The following CHRNB4 variants were observed in gnomAD, a reference collection of about 807,000 sequenced individuals.
CHRNB4 encodes the protein cholinergic receptor nicotinic beta 4 subunit.
In CHRNB4, 23 loss-of-function variants were observed where a neutral mutation model predicts 40.4. That is an observed-to-expected ratio of 0.57 (90% CI 0.41 to 0.81). The LOEUF (loss-of-function observed/expected upper bound fraction) is 0.81, where lower values mean the gene tolerates loss of function less well. Ranked by LOEUF, CHRNB4 falls within the 30% of genes least tolerant of loss-of-function variation. CHRNB4 has a pLI of 0.00. For synonymous variants in CHRNB4, 285 were observed against 274.4 expected (o/e 1.04, Z -0.38); for missense variants, 568 against 670.6 (o/e 0.85, Z 1.69).
chr15:78,628,467 T>C (rs942100940), intron 5 of CHRNB4, among the ~76,000 whole-genome samples: 1 of 152,188 alleles, frequency 6.6e-6, no homozygotes, highest in Non-Finnish European at 1.5e-5. Context: ...CAGGCTGGCA[T>C]TACCTGGAAG....
chr15:78,627,426 T>C (rs1372954086), intron 5 of CHRNB4: 1 of 152,174 alleles, frequency 6.6e-6, no homozygotes, highest in Non-Finnish European at 1.5e-5. Flanking sequence ...ATGTCCTATA[T>C]TCCATTTGTT....
intron 1 of CHRNB4, among the ~76,000 whole-genome samples, chr15:78,637,738 T>C (rs1279426808): frequency 6.6e-6 from 1 of 152,190 alleles, no homozygotes; most frequent in Non-Finnish European, 1.5e-5. Context: ...TCATCCACTT[T>C]CCAACTCGCT....
intron 2 of CHRNB4, 24 bp downstream of exon 2, chr15:78,635,415 G>C: frequency 6.2e-7 from 1 of 1,610,582 alleles, no homozygotes; most frequent in South Asian, 1.1e-5. Context: ...CTGAGCCTGA[G>C]CCACAGCTGC....
rs371157257 is a variant in CHRNB4, at chr15:78,647,662, T to A, written c.46+1717A>T. Among the ~76,000 whole-genome samples, 549 of 130,478 alleles carry A rather than the reference T, an allele frequency of 4.2e-3. 4 individuals are homozygous for A. Among genetic ancestry groups the A allele is most frequent in the Non-Finnish European group, 6.7e-3 (414 of 62,238 alleles). The allele number at this position is 130,478 out of a possible 152,430, so 85.6% of individuals were successfully genotyped here. A position where few individuals can be genotyped will look rare whatever the true frequency, so the allele number is the denominator to read the frequency against. On this transcript the variant is annotated intron_variant and NMD_transcript_variant, in intron 7 of 11. Transcript: ENST00000559849. ...GAGATCGAGACCATCCTGGCTAACA[T>A]GGTGAAACCCCGTCTCTACTAAAAA...
chr15:78,635,528 G>C lies in CHRNB4; in HGVS notation c.115C>G (p.Arg39Gly). 2.5e-6 allele frequency: 4 copies of C among 1,614,152 alleles called. No homozygotes were observed. The highest frequency in any genetic ancestry group is 3.4e-6 in the Non-Finnish European group (4 of 1,180,030). The change falls in exon 2 of 6, where the codon CGT (arginine) becomes GGT (glycine). Residue 39 changes from arginine to glycine, a missense_variant. Coordinates refer to ENST00000261751, the MANE Select transcript of CHRNB4 (RefSeq NM_000750.5). ...GCTGGGCGGATCAGGTTATTGTAAC[G>C]GGTTTTGTTCAGAAGGTCGTCCATC... ...KLMDDLLNKTRYNNLIRPATS... is the reference protein window; with the variant it reads ...KLMDDLLNKTGYNNLIRPATS...
At chr15:78,660,941 G>A (rs1318247567), upstream of CHRNB4, 2 of 399,744 alleles carry the variant, frequency 5.0e-6, no homozygotes, top group African/African-American at 4.2e-5. Flanking sequence ...TTGAAACGCA[G>A]TTTCTGACTC....
At chr15:78,653,146 A>C (rs2054186986) in intron 5 of CHRNB4, among the ~76,000 whole-genome samples, 1 of 152,160 alleles carries the variant, frequency 6.6e-6, no homozygotes, top group African/African-American at 2.4e-5. Context: ...ATGGGAATTC[A>C]GTAGGTGCTT....
intron 2 of CHRNB4, among the ~76,000 whole-genome samples, chr15:78,658,128 T>A (rs2054229041): frequency 6.7e-6 from 1 of 148,922 alleles, no homozygotes; most frequent in Non-Finnish European, 1.5e-5. Flanking sequence ...CCTCCTGGGT[T>A]CAAGATATTT....
upstream of CHRNB4, among the ~76,000 whole-genome samples, chr15:78,641,745 T>G (rs1352221858): frequency 6.6e-6 from 1 of 152,084 alleles, no homozygotes; most frequent in African/African-American, 2.4e-5. Context: ...GCTTGGGGGC[T>G]GGGGAAGGAG....
intron 1 of CHRNB4, 95 bp downstream of exon 1, chr15:78,640,984 C>T: frequency 7.3e-7 from 1 of 1,364,542 alleles, no homozygotes; most frequent in Non-Finnish European, 1.0e-6. Flanking sequence ...CTCCCCCGGG[C>T]GCAGGGCACC....
chr15:78,658,590 C>T (rs1340781388), intron 1 of CHRNB4, among the ~76,000 whole-genome samples: 1 of 151,988 alleles, frequency 6.6e-6, no homozygotes, highest in Middle Eastern at 3.2e-3. Flanking sequence ...CCCTTGGTGT[C>T]TTGGAAAAAA....
At chr15:78,640,943 G>C in intron 1 of CHRNB4, 136 bp downstream of exon 1, 1 of 1,004,806 alleles carries the variant, frequency 1.0e-6, no homozygotes, top group Non-Finnish European at 1.4e-6. Flanking sequence ...CCCTGCCCAC[G>C]CCCCCATCTG....
intron 6 of CHRNB4, among the ~76,000 whole-genome samples, chr15:78,650,690 C>T (rs1200445031): frequency 6.6e-6 from 1 of 152,246 alleles, no homozygotes; most frequent in African/African-American, 2.4e-5. Flanking sequence ...AGTGGTGTCA[C>T]TGGCCAGGTC....
In CHRNB4 at chr15:78,629,805, C is replaced by A. The variant is rs761067965; in HGVS notation, c.500G>T (p.Cys167Phe). ...GGTCCAGGAGCGGAACTTGAGGGTGCAGTTCTGCTGGTCGAAGGGAAAGTA... is the reference window on the plus strand; with the variant it reads ...GGTCCAGGAGCGGAACTTGAGGGTGAAGTTCTGCTGGTCGAAGGGAAAGTA... ...VKYFPFDQQNCTLKFRSWTYD... is the reference protein window; with the variant it reads ...VKYFPFDQQNFTLKFRSWTYD... Residue 167 changes from cysteine (C) to phenylalanine (F), a missense_variant, in exon 5 of 6, where the codon TGC becomes TTC. Cys to Phe is a radical substitution (Grantham distance 205). Transcript: ENST00000261751. This position sits in a 1 kb window ranked among gnomAD's most constrained non-coding sequence, Gnocchi z 6.8. The A allele has an allele frequency of 6.2e-7, 1 of 1,614,114 alleles. No individual in the cohort carries two copies. The highest frequency in any genetic ancestry group is 2.2e-5 in the East Asian group (1 of 44,862).
chr15:78,647,798 T>G (rs1204216948), intron 7 of CHRNB4, among the ~76,000 whole-genome samples: 4 of 135,790 alleles, frequency 2.9e-5, no homozygotes, highest in African/African-American at 8.1e-5. Context: ...AGGCGGAGCT[T>G]GCACTGAGCC....
intron 5 of CHRNB4, chr15:78,655,432 CTATA>C (rs1003079914): frequency 2.9e-5 from 4 of 138,496 alleles, no homozygotes; most frequent in Admixed American, 2.1e-4. Context: ...ATATCTATAT[CTATA>C]TATATCTATA....
At position 78,637,929 on chromosome 15, in the gene CHRNB4, T is replaced by C. The variant is rs186086178; in HGVS notation, c.56-2342A>G. On this transcript the variant is annotated intron_variant, in intron 1 of 5. Coordinates refer to ENST00000261751, the MANE Select transcript of CHRNB4 (RefSeq NM_000750.5). The stretch of plus-strand genomic sequence containing the variant: ...GACCCCTTTCCCAGAGGCCAGCTGC[T>C]TGAGTACCCTGGAAGCCAGTCTGTA... 7.2e-5 allele frequency among the ~76,000 whole-genome samples: 11 copies of C among 152,310 alleles called. No individual in the cohort carries two copies. The South Asian group carries it at 1.7e-3, about 23-fold the overall frequency.
In CHRNB4 at chr15:78,629,885, G is replaced by A. The variant is rs568913837; in HGVS notation, c.420C>T (p.Ser140=). 4.3e-6 allele frequency: 7 copies of A among 1,612,378 alleles called. No homozygotes were observed. The highest frequency in any genetic ancestry group is 1.3e-5 in the African/African-American group (1 of 75,018). The change falls in exon 5 of 6, where the codon AGC becomes AGT. Residue 140 remains serine, a synonymous_variant. Transcript: ENST00000261751. The surrounding 1 kb of genome is among the most constrained non-coding windows in gnomAD (Gnocchi z 6.8). The stretch of plus-strand genomic sequence containing the variant: ...AGATGGCAGGGGGCAGCCACAGGAC[G>A]CTGCCGTTGGACCGGACTATCAAGT... ...YTNLIVRSNG[S]VLWLPPAIYK...
chr15:78,636,910 G>A (rs1596112826), intron 1 of CHRNB4, among the ~76,000 whole-genome samples: 1 of 152,218 alleles, frequency 6.6e-6, no homozygotes, highest in East Asian at 1.9e-4. Flanking sequence ...AGCACTTACA[G>A]TGCAGGGGAG....
Sources: gnomAD v4.1 joint callset for allele counts (sites outside exome capture counted in the v4.1 genomes callset) on GRCh38, gnomAD v4.1.1 for gene constraint, Gnocchi (gnomAD v3.1) non-coding constraint, MANE v1.5 for transcripts, NCBI Gene and HGNC (gene_info 2026-07-23, HGNC 2026-07-21) for gene names.